Variants in VPS37C observed in about 807,000 individuals in gnomAD.
VPS37C encodes the protein vacuolar protein sorting-associated protein 37C.
A neutral mutation model predicts 16.1 loss-of-function variants in VPS37C; 9 were observed. The observed-to-expected ratio is 0.56, with a 90% confidence interval of 0.34 to 0.97. The LOEUF (loss-of-function observed/expected upper bound fraction) is 0.97, where lower values mean the gene tolerates loss of function less well. Among genes scored for constraint, VPS37C ranks in the 50% least tolerant of loss-of-function variants. The pLI, the probability that VPS37C is intolerant of heterozygous loss-of-function variation, is 0.02. For missense variants in VPS37C, 479 were observed against 472.7 expected, an observed-to-expected ratio of 1.01 and a Z score of -0.12; for synonymous variants, 207 against 206.4, an observed-to-expected ratio of 1.00 and a Z score of -0.02.
intron 1 of VPS37C, among the ~76,000 whole-genome samples, chr11:61,146,456 A>G (rs1853208011): frequency 1.3e-5 from 2 of 152,246 alleles, no homozygotes; most frequent in Non-Finnish European, 2.9e-5. Context: ...AGAGACCAAC[A>G]GAGTGAGGAG....
rs1295286079 is a variant in VPS37C at position 61,131,998 on chromosome 11, G to A, written c.890C>T (p.Pro297Leu). The change falls in exon 5 of 5, where the codon CCT becomes CTT. Residue 297 changes from proline (P) to leucine (L), a missense_variant. Physicochemically the swap from Pro to Leu is moderately conservative, Grantham distance 98 (BLOSUM62 -3). Coordinates refer to ENST00000301765, the MANE Select transcript of VPS37C (RefSeq NM_017966.5). ...TGTTGCGGGGTATGGGGACTGTTGA[G>A]GATAACCAGGACTGGGGGCCCTGCC... is the stretch of plus-strand genomic sequence containing the variant. ...RGGRAPSPGY[P>L]QQSPYPATGG... The A allele has an allele frequency of 1.5e-6, 2 of 1,368,760 alleles. No individual in the cohort carries two copies. The highest frequency in any genetic ancestry group is 1.9e-4 in the Middle Eastern group (1 of 5,278). The allele number at this position is 1,368,760 out of a possible 1,614,324, so 84.8% of individuals were successfully genotyped here. A position where few individuals can be genotyped will look rare whatever the true frequency, so the allele number is the denominator to read the frequency against.
In VPS37C at chr11:61,130,970, G is replaced by A. The variant is rs965244791; in HGVS notation, c.*850C>T. 7.6e-5 allele frequency: 26 copies of A among 342,344 alleles called. No individual in the cohort carries two copies. The highest frequency in any genetic ancestry group is 1.2e-4 in the Non-Finnish European group (22 of 180,326). 21.2% of individuals were successfully genotyped at this position (342,344 alleles called of 1,614,324 possible). On this transcript the variant is annotated 3_prime_UTR_variant, in exon 5 of 5. Coordinates refer to ENST00000301765, the MANE Select transcript of VPS37C (RefSeq NM_017966.5). ...GGATGCGTGGGCCTCGGGCAAAGTC[G>A]CCCTAAAGTGGGGACCCCAGAGGAG...
At chr11:61,148,457 C>T (rs1046073163) in intron 1 of VPS37C, among the ~76,000 whole-genome samples, 2 of 152,102 alleles carry the variant, frequency 1.3e-5, no homozygotes, top group African/African-American at 2.4e-5. Context: ...AGAAACCTTC[C>T]TAATCATGCT....
chr11:61,137,432 G>A (rs1052851029), intron 2 of VPS37C, among the ~76,000 whole-genome samples: 2 of 152,160 alleles, frequency 1.3e-5, no homozygotes, highest in Non-Finnish European at 2.9e-5. Flanking sequence ...CCAAGAGGTC[G>A]CTTCTGCTCA....
chr11:61,143,369 T>A lies in VPS37C; in HGVS notation c.-6-4534A>T, dbSNP rs1361062541. ...GAATCTCCAGGATTCTTAATTTTTT[T>A]TTTTTTTTTTTTTTTTTTTTTTTTT... On this transcript the variant is annotated intron_variant, in intron 1 of 4. Transcript: ENST00000301765. 14 of 14,732 alleles carry A rather than the reference T, an allele frequency of 9.5e-4. No homozygotes were observed. The African/African-American group carries it at 0.011, about 12-fold the overall frequency. 0.9% of individuals were successfully genotyped at this position (14,732 alleles called of 1,614,324 possible).
chr11:61,130,851 C>T lies in VPS37C; in HGVS notation c.*969G>A, dbSNP rs895286740. 13 of 424,286 alleles carry T rather than the reference C, an allele frequency of 3.1e-5. No individual in the cohort carries two copies. In the Admixed American group the frequency reaches 3.6e-4, roughly 12 times the overall value. The allele number at this position is 424,286 out of a possible 1,614,324, so 26.3% of individuals were successfully genotyped here. On this transcript the variant is annotated 3_prime_UTR_variant, in exon 5 of 5. Transcript: ENST00000301765. ...TTTGATGCCTGTCTTAGGATGGACA[C>T]TGGGGGTGGGAGGATTACATCAACA...
At chr11:61,158,786 A>G (rs985984647) in intron 1 of VPS37C, among the ~76,000 whole-genome samples, 3 of 152,230 alleles carry the variant, frequency 2.0e-5, no homozygotes, top group African/African-American at 7.2e-5. Context: ...AACCTGTTTG[A>G]TATTTGCTTA....
intron 1 of VPS37C, among the ~76,000 whole-genome samples, chr11:61,160,799 T>C (rs1168774589): frequency 1.3e-5 from 2 of 152,214 alleles, no homozygotes; most frequent in Non-Finnish European, 2.9e-5. Context: ...CAGTGCCCTT[T>C]GCGCCCAGAG....
At position 61,130,410 on chromosome 11, in the gene VPS37C, A is replaced by C. The variant is rs1473884779; in HGVS notation, c.*1410T>G. The C allele has an allele frequency of 6.2e-6, 1 of 160,564 alleles. No homozygotes were observed. Among genetic ancestry groups the C allele is most frequent in the African/African-American group, 2.4e-5 (1 of 41,504 alleles). The allele number at this position is 160,564 out of a possible 1,614,324, so 9.9% of individuals were successfully genotyped here. ...CAAGCACATTTGGTAAAGAACCGGC[A>C]GCGCTGACCTAGCGTCACGCGGATG... On this transcript the variant is annotated 3_prime_UTR_variant, in exon 5 of 5. Transcript: ENST00000301765.
At chr11:61,139,284 T>C (rs1210148152) in intron 1 of VPS37C, among the ~76,000 whole-genome samples, 3 of 152,154 alleles carry the variant, frequency 2.0e-5, no homozygotes, top group Admixed American at 6.5e-5. Flanking sequence ...GCTCCACACA[T>C]GGGGGCTTTG....
intron 1 of VPS37C, chr11:61,144,497 G>GA (rs111927864): frequency 6.6e-6 from 1 of 151,744 alleles, no homozygotes; most frequent in South Asian, 2.1e-4. Flanking sequence ...TATAGGGTGA[G>GA]CCCCCCCAGG....
intron 2 of VPS37C, among the ~76,000 whole-genome samples, chr11:61,136,308 G>A (rs1393979927): frequency 6.6e-6 from 1 of 151,826 alleles, no homozygotes; most frequent in Non-Finnish European, 1.5e-5. Flanking sequence ...CTTGTAGCTG[G>A]GACTACAGGC....
chr11:61,137,645 T>C (rs1384168165), intron 2 of VPS37C, among the ~76,000 whole-genome samples: 1 of 152,164 alleles, frequency 6.6e-6, no homozygotes, highest in East Asian at 1.9e-4. Flanking sequence ...TCACAAGCCA[T>C]TTGAGTCAGC....
In VPS37C at chr11:61,141,944, G is replaced by A. The variant is rs1565193516; in HGVS notation, c.-6-3109C>T. Among the ~76,000 whole-genome samples the A allele has an allele frequency of 5.9e-5, 9 of 152,234 alleles. No homozygotes were observed. The South Asian group carries it at 1.9e-3, about 31-fold the overall frequency. On this transcript the variant is annotated intron_variant, in intron 1 of 4. Coordinates refer to ENST00000301765, the MANE Select transcript of VPS37C (RefSeq NM_017966.5). ...CACCATCTGTGAAAGCACCCAGCAG[G>A]TTCAGGACTCAGTCTCATACACGGA...
chr11:61,149,241 G>A (rs1339551464), intron 1 of VPS37C, among the ~76,000 whole-genome samples: 13 of 152,258 alleles, frequency 8.5e-5, no homozygotes, highest in South Asian at 8.3e-4. Flanking sequence ...AGCCGAGATC[G>A]CGCCACTGCA....
intron 2 of VPS37C, among the ~76,000 whole-genome samples, chr11:61,134,444 T>C (rs896243741): frequency 6.6e-6 from 1 of 152,198 alleles, no homozygotes; most frequent in Non-Finnish European, 1.5e-5. Context: ...CATGGGAACC[T>C]GGCGCTGAAG....
rs932986916 is a variant in VPS37C, at chr11:61,130,899, GA to G, written c.*920del. On this transcript the variant is annotated 3_prime_UTR_variant, in exon 5 of 5. Coordinates refer to ENST00000301765, the MANE Select transcript of VPS37C (RefSeq NM_017966.5). Reference sequence around the variant, plus strand: ...ACAGAGTGAGAAGGGGAGGGGAAGGGAGGGGGCTGCTTGTGAATGAGATTCA... The same window carrying G: ...ACAGAGTGAGAAGGGGAGGGGAAGGGGGGGGCTGCTTGTGAATGAGATTCA... 5.0e-6 allele frequency: 2 copies of G among 397,396 alleles called. No individual in the cohort carries two copies. Among genetic ancestry groups the G allele is most frequent in the African/African-American group, 4.4e-5 (2 of 44,958 alleles). The allele number at this position is 397,396 out of a possible 1,614,324, so 24.6% of individuals were successfully genotyped here. A position where few individuals can be genotyped will look rare whatever the true frequency, so the allele number is the denominator to read the frequency against.
chr11:61,158,567 A>G (rs1853415035), intron 1 of VPS37C, among the ~76,000 whole-genome samples: 1 of 152,274 alleles, frequency 6.6e-6, no homozygotes, highest in South Asian at 2.1e-4. Flanking sequence ...AAGTAATCCT[A>G]TAATGCTGAC....
Position 61,132,231 on chromosome 11 carries a change from G to A in VPS37C, c.657C>T (p.Ala219=). 5 of 1,516,594 alleles carry A rather than the reference G, an allele frequency of 3.3e-6. No individual in the cohort carries two copies. Among genetic ancestry groups the A allele is most frequent in the Non-Finnish European group, 4.4e-6 (5 of 1,132,146 alleles). The allele number at this position is 1,516,594 out of a possible 1,614,324, so 93.9% of individuals were successfully genotyped here. Residue 219 remains alanine, a synonymous_variant, in exon 5 of 5, where the codon GCC becomes GCT. Coordinates refer to ENST00000301765, the MANE Select transcript of VPS37C (RefSeq NM_017966.5). ...AAGGGGCCGGTGGCAGGGCTCCATG[G>A]GCAGTGGGGCCCACAGGCAGGCTGG... ...PSPSLPVGPT[A]HGALPPAPFP...
Sources: gnomAD v4.1 joint callset for allele counts (sites outside exome capture counted in the v4.1 genomes callset) on GRCh38, gnomAD v4.1.1 for gene constraint, MANE v1.5 for transcripts, NCBI Gene and HGNC (gene_info 2026-07-23, HGNC 2026-07-21) for gene names.